Variants in AK5 observed in about 807,000 individuals in gnomAD.
AK5 encodes the protein adenylate kinase 5.
In AK5, 27 loss-of-function variants were observed where a neutral mutation model predicts 69.5. That is an observed-to-expected ratio of 0.39 (90% confidence interval 0.29 to 0.54). The LOEUF is 0.54. AK5 is among the 20% of genes least tolerant of loss of function. The probability of loss-of-function intolerance (pLI) is 0.71; values close to 1 mark genes in which losing one functional copy is unlikely to be tolerated. For missense variants in AK5, 531 were observed against 700.4 expected, an observed-to-expected ratio of 0.76 and a Z score of 2.73; for synonymous variants, 260 against 244.4, an observed-to-expected ratio of 1.06 and a Z score of -0.60.
At chr1:77,426,761 T>A (rs1230213469) in intron 8 of AK5, among the ~76,000 whole-genome samples, 2 of 152,182 alleles carry the variant, frequency 1.3e-5, no homozygotes, top group African/African-American at 2.4e-5. Context: ...TTAACAAGTT[T>A]AAAAGAATAT....
intron 6 of AK5, among the ~76,000 whole-genome samples, chr1:77,341,860 G>A (rs1661671678): frequency 6.6e-6 from 1 of 152,036 alleles, no homozygotes; most frequent in Non-Finnish European, 1.5e-5. Flanking sequence ...ATGCTTCTGT[G>A]GCTATGTTTT....
intron 6 of AK5, among the ~76,000 whole-genome samples, chr1:77,370,933 G>A (rs1647110372): frequency 6.6e-6 from 1 of 152,190 alleles, no homozygotes; most frequent in Admixed American, 6.5e-5. Flanking sequence ...GACAATGAGT[G>A]CCATACTTTG....
rs763165438 is a variant in AK5 at position 77,293,916 on chromosome 1, T to C, written c.371T>C (p.Val124Ala). The C allele has an allele frequency of 1.9e-6, 3 of 1,612,160 alleles. No individual in the cohort carries two copies. Among genetic ancestry groups the C allele is most frequent in the Non-Finnish European group, 2.5e-6 (3 of 1,179,232 alleles). The change falls in exon 3 of 14, where the codon GTT becomes GCT. Residue 124 changes from valine (V) to alanine (A), a missense_variant. Val to Ala is a moderately conservative substitution (Grantham distance 64). Transcript: ENST00000354567. ...GCAGAGTTGATTGAGGAGTATGAGG[T>C]TTTTGATCCTACCAGACCTCGACCA... ...ETAELIEEYE[V>A]FDPTRPRPKI...
At chr1:77,321,532 C>G (rs1660532996) in intron 5 of AK5, among the ~76,000 whole-genome samples, 1 of 151,574 alleles carries the variant, frequency 6.6e-6, no homozygotes, top group Non-Finnish European at 1.5e-5. Flanking sequence ...ATCATAGTAG[C>G]AGAAAAAGCA....
intron 8 of AK5, among the ~76,000 whole-genome samples, chr1:77,425,518 C>A (rs562017497): frequency 6.6e-6 from 1 of 151,946 alleles, no homozygotes; most frequent in Admixed American, 6.6e-5. Flanking sequence ...AACCAGGAGG[C>A]GGAGGTTGCA....
chr1:77,548,999 C>G (rs1659680937), intron 13 of AK5, among the ~76,000 whole-genome samples: 1 of 150,854 alleles, frequency 6.6e-6, no homozygotes, highest in African/African-American at 2.4e-5. Flanking sequence ...CCTTAGCCTC[C>G]CGAGTAGCAG....
chr1:77,449,849 C>T (rs1036793362), intron 8 of AK5, among the ~76,000 whole-genome samples: 7 of 152,176 alleles, frequency 4.6e-5, no homozygotes, highest in African/African-American at 1.4e-4. Context: ...ATTTCTGCAG[C>T]CAGCTTGAGT....
intron 13 of AK5, among the ~76,000 whole-genome samples, chr1:77,546,755 G>A (rs1472419260): frequency 1.3e-5 from 2 of 152,196 alleles, no homozygotes; most frequent in Non-Finnish European, 2.9e-5. Context: ...TGTGACACAT[G>A]AAACCCCAGC....
chr1:77,527,664 T>C (rs1316791324), intron 12 of AK5, among the ~76,000 whole-genome samples: 2 of 152,248 alleles, frequency 1.3e-5, no homozygotes, highest in Non-Finnish European at 1.5e-5. Context: ...AAGAGTGACA[T>C]TGATTTGTCC....
At chr1:77,460,886 G>A (rs1653791972) in intron 8 of AK5, among the ~76,000 whole-genome samples, 1 of 151,876 alleles carries the variant, frequency 6.6e-6, no homozygotes, top group East Asian at 1.9e-4. Context: ...ACCATGCCTG[G>A]CTAATTTTTG....
chr1:77,420,025 G>A lies in AK5; in HGVS notation c.1059+2310G>A, dbSNP rs555458282. Reference sequence around the variant, plus strand: ...CTTAGAATATAATTACATAAAAGAAGCAAGGGCTCTTGTGGCAAGAAGCTT... The same window carrying A: ...CTTAGAATATAATTACATAAAAGAAACAAGGGCTCTTGTGGCAAGAAGCTT... On this transcript the variant is annotated intron_variant, in intron 8 of 13. Transcript: ENST00000354567. 5.9e-5 allele frequency among the ~76,000 whole-genome samples: 9 copies of A among 152,262 alleles called. No individual in the cohort carries two copies. In the South Asian group the frequency reaches 1.2e-3, roughly 21 times the overall value.
chr1:77,514,345 C>T (rs1361036242), intron 10 of AK5, among the ~76,000 whole-genome samples: 1 of 152,200 alleles, frequency 6.6e-6, no homozygotes. Flanking sequence ...GGACACAGCC[C>T]ACTCATTCTG....
intron 12 of AK5, among the ~76,000 whole-genome samples, chr1:77,522,827 A>G (rs1347851530): frequency 1.3e-5 from 2 of 152,170 alleles, no homozygotes; most frequent in African/African-American, 2.4e-5. Flanking sequence ...AAAGAAATTC[A>G]TATTTATAGA....
chr1:77,490,437 G>A (rs989006141), intron 10 of AK5, among the ~76,000 whole-genome samples: 3 of 152,174 alleles, frequency 2.0e-5, no homozygotes, highest in African/African-American at 4.8e-5. Flanking sequence ...TGGCAAGGAC[G>A]GACCCAGTCC....
chr1:77,538,375 TAAAC>T lies in AK5; in HGVS notation c.1620+2341_1620+2344del, dbSNP rs890656354. 1.7e-4 allele frequency among the ~76,000 whole-genome samples: 25 copies of T among 147,808 alleles called. No homozygotes were observed. The South Asian group carries it at 1.7e-3, about 10-fold the overall frequency. ...ACAACAACAACAAAAAAAAAAAACA[TAAAC>T]AAAAGTGTTTTTGTTATATAAGAGC... is the stretch of plus-strand genomic sequence containing the variant. On this transcript the variant is annotated intron_variant, in intron 13 of 13. Transcript: ENST00000354567.
At chr1:77,309,045 G>C (rs1659797698) in intron 5 of AK5, among the ~76,000 whole-genome samples, 2 of 151,532 alleles carry the variant, frequency 1.3e-5, no homozygotes, top group South Asian at 4.2e-4. Context: ...CATAGACACA[G>C]GAAGAGGACC....
At chr1:77,395,052 AAGG>A (rs59262557) in intron 6 of AK5, among the ~76,000 whole-genome samples, 32,269 of 152,002 alleles carry the variant, frequency 0.21, 3,594 homozygotes, top group East Asian at 0.4. Flanking sequence ...GCAGTGAAAG[AAGG>A]AGATCACTTT....
rs1378319015 is a variant in AK5 at position 77,457,545 on chromosome 1, CTCTT to C, written c.1060-25762_1060-25759del. Reference sequence around the variant, plus strand: ...CTATCATAGTTTTAATTTTCAAGAGCTCTTTCTTTCTTTAACTGTTCCTTTTTCA... The same window carrying C: ...CTATCATAGTTTTAATTTTCAAGAGCTCTTTCTTTAACTGTTCCTTTTTCA... On this transcript the variant is annotated intron_variant, in intron 8 of 13. Coordinates refer to ENST00000354567, the MANE Select transcript of AK5 (RefSeq NM_174858.3). Among the ~76,000 whole-genome samples the C allele has an allele frequency of 3.3e-5, 5 of 152,196 alleles. No individual in the cohort carries two copies. The East Asian group carries it at 5.8e-4, about 18-fold the overall frequency.
intron 10 of AK5, among the ~76,000 whole-genome samples, chr1:77,497,013 G>A (rs1656357631): frequency 6.6e-6 from 1 of 152,206 alleles, no homozygotes; most frequent in African/African-American, 2.4e-5. Context: ...ACCCACTGGG[G>A]TCCCCTTCCA....
Sources: allele counts gnomAD v4.1 joint callset (sites outside exome capture counted in the v4.1 genomes callset), GRCh38; gene constraint gnomAD v4.1.1; transcripts MANE v1.5; gene names NCBI Gene and HGNC (gene_info 2026-07-23, HGNC 2026-07-21).